RNF4: variants seen among roughly 807,000 people sequenced by gnomAD.
RNF4 encodes E3 ubiquitin-protein ligase RNF4.
A neutral mutation model predicts 24.3 loss-of-function variants in RNF4; 7 were observed. The ratio of observed to expected loss-of-function variants is 0.29; its 90% CI spans 0.16 to 0.54. The LOEUF (loss-of-function observed/expected upper bound fraction) is 0.54, where lower values mean the gene tolerates loss of function less well. Among genes scored for constraint, RNF4 ranks in the 20% least tolerant of loss-of-function variants. RNF4 has a pLI of 0.95. For synonymous variants in RNF4, 83 were observed against 84.3 expected (o/e 0.98, Z 0.09); for missense variants, 209 against 248.5 (o/e 0.84, Z 1.07).
intron 3 of RNF4, among the ~76,000 whole-genome samples, chr4:2,498,750 C>G (rs980841997): frequency 5.3e-5 from 8 of 151,990 alleles, no homozygotes; most frequent in Non-Finnish European, 1.0e-4. Context: ...ATAGTGAGAC[C>G]CTGTCTCTAT....
chr4:2,494,995 G>A (rs1010857993), intron 2 of RNF4, among the ~76,000 whole-genome samples: 1 of 152,214 alleles, frequency 6.6e-6, no homozygotes, highest in Non-Finnish European at 1.5e-5. Flanking sequence ...AGTCTTTGAA[G>A]AGGAACCTCT....
intron 4 of RNF4, among the ~76,000 whole-genome samples, chr4:2,501,024 T>C (rs1364109700): frequency 1.3e-5 from 2 of 152,238 alleles, no homozygotes; most frequent in African/African-American, 4.8e-5. Context: ...AACCTGACCT[T>C]GCCACACCTG....
chr4:2,511,867 A>T lies in RNF4; in HGVS notation c.205-89A>T. ...ACCAGAGGGTTCCACAGAGGGTGTC[A>T]CACGTCAGAAAAAAGAAATGGCTTC... On this transcript the variant is annotated intron_variant, in intron 4 of 7. Transcript: ENST00000314289. 4 of 1,344,362 alleles carry T rather than the reference A, an allele frequency of 3.0e-6. No individual in the cohort carries two copies. In the Admixed American group the frequency reaches 7.9e-5, roughly 27 times the overall value. The allele number at this position is 1,344,362 out of a possible 1,614,324, so 83.3% of individuals were successfully genotyped here. A position where few individuals can be genotyped will look rare whatever the true frequency, so the allele number is the denominator to read the frequency against.
At chr4:2,513,194 T>C in intron 7 of RNF4, 63 bp downstream of exon 7, 2 of 1,480,198 alleles carry the variant, frequency 1.4e-6, no homozygotes, top group Non-Finnish European at 1.9e-6. Flanking sequence ...AAGAATTGGA[T>C]GAGACAGGAT....
chr4:2,512,077 A>G lies in RNF4; in HGVS notation c.214+112A>G. The G allele has an allele frequency of 1.0e-6, 1 of 998,550 alleles. No individual in the cohort carries two copies. Among genetic ancestry groups the G allele is most frequent in the Non-Finnish European group, 1.5e-6 (1 of 663,398 alleles). The allele number at this position is 998,550 out of a possible 1,614,324, so 61.9% of individuals were successfully genotyped here. ...ATCCCCAAGGGCTTGGAGCGCTCCAAGCAGGAAGATGCCTTCGCAGATGCT... is the reference window on the plus strand; with the variant it reads ...ATCCCCAAGGGCTTGGAGCGCTCCAGGCAGGAAGATGCCTTCGCAGATGCT... On this transcript the variant is annotated intron_variant, in intron 5 of 7. Coordinates refer to ENST00000314289, the MANE Select transcript of RNF4 (RefSeq NM_002938.5). The surrounding 1 kb of genome is among the most constrained non-coding windows in gnomAD (Gnocchi z 4.1).
chr4:2,471,673 C>T (rs1199213129), intron 1 of RNF4, among the ~76,000 whole-genome samples: 1 of 152,220 alleles, frequency 6.6e-6, no homozygotes, highest in Admixed American at 6.5e-5. Context: ...CCAATGAATA[C>T]ATGAATGATA....
intron 1 of RNF4, among the ~76,000 whole-genome samples, chr4:2,476,281 T>G (rs1002050746): frequency 1.3e-5 from 2 of 152,222 alleles, no homozygotes; most frequent in African/African-American, 4.8e-5. Flanking sequence ...AGTACCTTCT[T>G]GATGTCTTCC....
intron 7 of RNF4, 49 bp from the exon 8 acceptor site, chr4:2,513,621 C>T (rs529929577): frequency 6.2e-7 from 1 of 1,608,222 alleles, no homozygotes; most frequent in Admixed American, 1.7e-5. Context: ...CCCATGGCTG[C>T]TCTGGGACAA....
In RNF4 at chr4:2,513,107, C is replaced by T. The variant is rs754476590; in HGVS notation, c.399C>T (p.Pro133=). 6.2e-7 allele frequency: 1 copy of T among 1,613,870 alleles called. No homozygotes were observed. Among genetic ancestry groups the T allele is most frequent in the Non-Finnish European group, 8.5e-7 (1 of 1,179,784 alleles). ...GGCCCTCAGGTACTGTCAGTTGTCC[C>T]ATCTGCATGGACGGATACTCAGAGG... ...GLRPSGTVSC[P]ICMDGYSEIV... Residue 133 remains proline (P), a synonymous_variant, in exon 7 of 8, where the codon CCC becomes CCT. Coordinates refer to ENST00000314289, the MANE Select transcript of RNF4 (RefSeq NM_002938.5).
At chr4:2,491,031 A>G (rs1038503038) in intron 2 of RNF4, among the ~76,000 whole-genome samples, 2 of 152,188 alleles carry the variant, frequency 1.3e-5, no homozygotes, top group Non-Finnish European at 2.9e-5. Context: ...AAGGCTAGCT[A>G]TGATCACACC....
intron 1 of RNF4, among the ~76,000 whole-genome samples, chr4:2,488,549 A>G (rs989249641): frequency 6.6e-6 from 1 of 152,032 alleles, no homozygotes; most frequent in African/African-American, 2.4e-5. Context: ...GGTCACTGGG[A>G]AGGTTTATTT....
intron 1 of RNF4, among the ~76,000 whole-genome samples, chr4:2,473,932 C>T (rs994247828): frequency 9.2e-5 from 14 of 152,192 alleles, no homozygotes; most frequent in African/African-American, 2.9e-4. Context: ...ATTAGCTGAG[C>T]GTGGTAGTGG....
At chr4:2,473,965 C>T (rs766138047) in intron 1 of RNF4, among the ~76,000 whole-genome samples, 8 of 152,242 alleles carry the variant, frequency 5.3e-5, no homozygotes, top group Middle Eastern at 3.4e-3. Context: ...ATAGTAATCC[C>T]GGCCACTCCA....
rs1423032895 is a variant in RNF4 at position 2,474,058 on chromosome 4, A to C, written c.-158+4800A>C. ...ATCGGGCCACTGCACTCAAGCGTGG[A>C]CAATAGAGTGAGACTTTGTCTCAAA... On this transcript the variant is annotated intron_variant, in intron 1 of 7. Coordinates refer to ENST00000314289, the MANE Select transcript of RNF4 (RefSeq NM_002938.5). Among the ~76,000 whole-genome samples the C allele has an allele frequency of 3.3e-5, 5 of 151,194 alleles. No individual in the cohort carries two copies. The East Asian group carries it at 9.7e-4, about 29-fold the overall frequency.
chr4:2,490,420 C>T lies in RNF4; in HGVS notation c.-74C>T. The T allele has an allele frequency of 6.6e-7, 1 of 1,513,876 alleles. No individual in the cohort carries two copies. The highest frequency in any genetic ancestry group is 9.1e-7 in the Non-Finnish European group (1 of 1,100,226). The allele number at this position is 1,513,876 out of a possible 1,614,324, so 93.8% of individuals were successfully genotyped here. A position where few individuals can be genotyped will look rare whatever the true frequency, so the allele number is the denominator to read the frequency against. On this transcript the variant is annotated 5_prime_UTR_variant, in exon 2 of 8. Coordinates refer to ENST00000314289, the MANE Select transcript of RNF4 (RefSeq NM_002938.5). ...ACCAGAGGGCATGAAAGGTTGAGAA[C>T]ATTTGACTTCCCTGCAAACCTTGGT... is the stretch of plus-strand genomic sequence containing the variant.
chr4:2,499,196 CA>C (rs909536537), intron 3 of RNF4: 8,441 of 291,684 alleles, frequency 0.029, no homozygotes, highest in South Asian at 0.045. Flanking sequence ...GACTCTGTCT[CA>C]AAAAAAAAAA....
At chr4:2,500,997 A>G (rs1008436949) in intron 4 of RNF4, among the ~76,000 whole-genome samples, 1 of 152,252 alleles carries the variant, frequency 6.6e-6, no homozygotes. Flanking sequence ...CTTGTCGCCT[A>G]TGGAGTAGGT....
rs569867193 is a variant in RNF4 at position 2,515,338 on chromosome 4, A to T, written c.*1519A>T. The T allele has an allele frequency of 1.3e-5, 2 of 152,680 alleles. No individual in the cohort carries two copies. The highest frequency in any genetic ancestry group is 3.9e-4 in the East Asian group (2 of 5,192). The allele number at this position is 152,680 out of a possible 1,614,324, so 9.5% of individuals were successfully genotyped here. A position where few individuals can be genotyped will look rare whatever the true frequency, so the allele number is the denominator to read the frequency against. ...TTTTATTCTTCATTCTGACTTTTTA[A>T]CTGTTTGGCTCACTTCCAGTTAGTT... On this transcript the variant is annotated 3_prime_UTR_variant, in exon 8 of 8. Transcript: ENST00000314289.
intron 4 of RNF4, among the ~76,000 whole-genome samples, chr4:2,508,911 CTTTTTTT>C (rs66571775): frequency 3.2e-5 from 2 of 62,644 alleles, no homozygotes; most frequent in South Asian, 1.7e-3. Flanking sequence ...TGCCCCAGGC[CTTTTTTT>C]TTTTTTTTTT....
Sources: gnomAD v4.1 joint callset for allele counts (sites outside exome capture counted in the v4.1 genomes callset) on GRCh38, gnomAD v4.1.1 for gene constraint, Gnocchi (gnomAD v3.1) non-coding constraint, MANE v1.5 for transcripts, NCBI Gene and HGNC (gene_info 2026-07-23, HGNC 2026-07-21) for gene names.